ANK3: variants seen among roughly 807,000 people sequenced by gnomAD.
ANK3 encodes the protein ankyrin 3, also known as ankyrin-3.
Under a neutral mutation model 370.9 loss-of-function variants are expected in ANK3, and 57 were observed. The observed-to-expected ratio is 0.15, with a 90% CI of 0.12 to 0.19. The LOEUF (loss-of-function observed/expected upper bound fraction) is 0.19. Ranked by LOEUF, ANK3 falls within the 10% of genes least tolerant of loss-of-function variation. The probability of loss-of-function intolerance (pLI) is 1.00; values close to 1 mark genes in which losing one functional copy is unlikely to be tolerated. For missense variants in ANK3, 4,439 were observed against 5,302.1 expected, an observed-to-expected ratio of 0.84 and a Z score of 5.06; for synonymous variants, 1,929 against 1,946.3, an observed-to-expected ratio of 0.99 and a Z score of 0.23.
chr10:60,589,619 T>C (rs954360694), intron 2 of ANK3, among the ~76,000 whole-genome samples: 2 of 152,182 alleles, frequency 1.3e-5, no homozygotes, highest in Non-Finnish European at 2.9e-5. Context: ...GAGAGCGCCT[T>C]AATCTCCATG....
Position 60,069,565 on chromosome 10 carries a change from G to A in ANK3, c.11316C>T (p.Gly3772=), listed in dbSNP as rs770252457. 62 of 1,613,358 alleles carry A rather than the reference G, an allele frequency of 3.8e-5. No homozygotes were observed. Among genetic ancestry groups the A allele is most frequent in the African/African-American group, 6.7e-5 (5 of 74,808 alleles). The change falls in exon 37 of 44, where the codon GGC becomes GGT. Residue 3772 remains glycine (G), a synonymous_variant. Transcript: ENST00000280772. ...AATCATGTTTTTCATGGGGCCTAAC[G>A]CCCATCTGGCTATTGGCTGTATTTG... ...MISNTANSQM[G]VRPHEKHDFQ...
intron 1 of ANK3, among the ~76,000 whole-genome samples, chr10:60,629,008 T>TTTG (rs899124236): frequency 8.5e-5 from 13 of 152,240 alleles, no homozygotes; most frequent in African/African-American, 2.2e-4. Context: ...TCTCTGCTTT[T>TTTG]TTGTTGTTGT....
At chr10:60,198,637 A>T (rs367999027) in intron 13 of ANK3, 100 bp from the exon 14 acceptor site, 3 of 1,094,422 alleles carry the variant, frequency 2.7e-6, no homozygotes, top group South Asian at 1.4e-5. Flanking sequence ...TAAGAGGTAC[A>T]ATCAACTTTT....
At chr10:60,118,092 T>C (rs1039853927) in intron 25 of ANK3, among the ~76,000 whole-genome samples, 3 of 151,982 alleles carry the variant, frequency 2.0e-5, no homozygotes, top group African/African-American at 7.3e-5. Context: ...ATCATACGAG[T>C]TATCAAAAAT....
At chr10:60,208,384 T>C (rs2096796275) in intron 9 of ANK3, 151 bp from the exon 10 acceptor site, 1 of 692,700 alleles carries the variant, frequency 1.4e-6, no homozygotes, top group African/African-American at 1.8e-5. Flanking sequence ...TATTTTGAAC[T>C]ACAGCTATTT....
chr10:60,260,267 T>C (rs1251911905), intron 7 of ANK3, among the ~76,000 whole-genome samples: 2 of 152,186 alleles, frequency 1.3e-5, no homozygotes, highest in East Asian at 3.9e-4. Flanking sequence ...AGGTTTCTTC[T>C]TCTGTAAAAT....
chr10:60,042,008 T>A (rs971955595), intron 43 of ANK3, among the ~76,000 whole-genome samples: 1 of 152,190 alleles, frequency 6.6e-6, no homozygotes, highest in African/African-American at 2.4e-5. Flanking sequence ...ACTTTCTTTT[T>A]CACCCCATAT....
At chr10:60,368,815 A>T (rs1456714028) in intron 1 of ANK3, among the ~76,000 whole-genome samples, 1 of 152,210 alleles carries the variant, frequency 6.6e-6, no homozygotes, top group Non-Finnish European at 1.5e-5. Context: ...AACTCCTCAG[A>T]TAAAACATAG....
chr10:60,200,362 GA>G (rs943301712), intron 12 of ANK3, 135 bp from the exon 13 acceptor site: 23 of 721,866 alleles, frequency 3.2e-5, no homozygotes, highest in Non-Finnish European at 4.9e-5. Flanking sequence ...GAAAAGATAG[GA>G]AATCAAATGC....
At chr10:60,032,927 T>G (rs1337082130) in intron 43 of ANK3, among the ~76,000 whole-genome samples, 1 of 152,216 alleles carries the variant, frequency 6.6e-6, no homozygotes, top group East Asian at 1.9e-4. Flanking sequence ...GTACTTGCTA[T>G]AAAAATATTG....
chr10:60,031,506 T>C (rs2073550619), intron 43 of ANK3, among the ~76,000 whole-genome samples: 1 of 152,238 alleles, frequency 6.6e-6, no homozygotes, highest in South Asian at 2.1e-4. Context: ...TGTGAAAAGC[T>C]GACAAACTTG....
Position 60,070,237 on chromosome 10 carries a change from G to T in ANK3, c.10644C>A (p.Asn3548Lys). The T allele has an allele frequency of 6.2e-7, 1 of 1,614,080 alleles. No homozygotes were observed. ...TGTCAAAAACTTCATCATCCCCTCG[G>T]TTATTAGACCAAGGGTCAAAATCTA... Reference protein sequence around the residue: ...KGLDFDPWSNNRGDDEVFDSK... With the variant: ...KGLDFDPWSNKRGDDEVFDSK... Residue 3548 changes from asparagine (N) to lysine (K), a missense_variant, in exon 37 of 44, where the codon AAC becomes AAA. This residue lies in a region of ANK3 where 1,601 missense variants were observed against 1,731.7 expected (regional missense o/e 0.92). Coordinates refer to ENST00000280772, the MANE Select transcript of ANK3 (RefSeq NM_020987.5). This position sits in a 1 kb window ranked among gnomAD's most constrained non-coding sequence, Gnocchi z 5.7.
At chr10:60,575,546 C>A (rs2077672495) in intron 2 of ANK3, among the ~76,000 whole-genome samples, 1 of 152,062 alleles carries the variant, frequency 6.6e-6, no homozygotes, top group Non-Finnish European at 1.5e-5. Flanking sequence ...CAAAATGTAT[C>A]ATTTAAAGTT....
chr10:60,163,571 T>C (rs1186463823), intron 23 of ANK3, among the ~76,000 whole-genome samples: 1 of 152,020 alleles, frequency 6.6e-6, no homozygotes, highest in African/African-American at 2.4e-5. Flanking sequence ...TAGTTTCTCA[T>C]AGTGTACAAA....
chr10:60,286,808 G>C (rs2040126149), intron 1 of ANK3, among the ~76,000 whole-genome samples: 1 of 152,156 alleles, frequency 6.6e-6, no homozygotes, highest in African/African-American at 2.4e-5. Flanking sequence ...TTTGAGATTG[G>C]TTCTGCCAGT....
chr10:60,591,717 T>C (rs1402750602), intron 2 of ANK3, among the ~76,000 whole-genome samples: 2 of 152,152 alleles, frequency 1.3e-5, no homozygotes, highest in African/African-American at 4.8e-5. Flanking sequence ...AGGTGATACA[T>C]ATACACAATG....
chr10:60,149,640 G>C (rs1198350614), intron 23 of ANK3, among the ~76,000 whole-genome samples: 2 of 152,192 alleles, frequency 1.3e-5, no homozygotes, highest in Non-Finnish European at 2.9e-5. Flanking sequence ...CTTATCTTCT[G>C]TCTATATCCA....
rs570427450 is a variant in ANK3 at position 60,422,090 on chromosome 10, T to C, written c.97-142451A>G. Among the ~76,000 whole-genome samples, 15 of 152,210 alleles carry C rather than the reference T, an allele frequency of 9.9e-5. No homozygotes were observed. In the South Asian group the frequency reaches 3.1e-3, roughly 32 times the overall value. ...GAGTTTTAGTGATCAAGAAGTCTATTTGCAGACTCCGATTCTTTGCTTGCA... is the reference window on the plus strand; with the variant it reads ...GAGTTTTAGTGATCAAGAAGTCTATCTGCAGACTCCGATTCTTTGCTTGCA... On this transcript the variant is annotated intron_variant, in intron 2 of 43. Transcript: ENST00000373827.
At chr10:60,115,779 C>T (rs1007642671) in intron 25 of ANK3, among the ~76,000 whole-genome samples, 8 of 151,902 alleles carry the variant, frequency 5.3e-5, no homozygotes, top group Admixed American at 1.3e-4. Context: ...GAAAACAGTA[C>T]AAGATGTGGA....
Sources: gnomAD v4.1 joint callset for allele counts (sites outside exome capture counted in the v4.1 genomes callset) on GRCh38, gnomAD v4.1.1 for gene constraint, gnomAD v4.1.1 regional missense constraint, Gnocchi (gnomAD v3.1) non-coding constraint, MANE v1.5 for transcripts, NCBI Gene and HGNC (gene_info 2026-07-23, HGNC 2026-07-21) for gene names.